Variants in RBM38 observed in about 807,000 individuals in gnomAD.
The protein encoded by RBM38 is RNA-binding protein 38.
A neutral mutation model predicts 23.5 loss-of-function variants in RBM38; 11 were observed. The observed-to-expected ratio is 0.47, with a 90% confidence interval of 0.29 to 0.77. RBM38 has a LOEUF of 0.77. Among genes scored for constraint, RBM38 ranks in the 30% least tolerant of loss-of-function variants. RBM38 has a pLI of 0.08. For missense variants in RBM38, 330 were observed against 351.9 expected (o/e 0.94, Z 0.50); for synonymous variants, 165 against 166.1 (o/e 0.99, Z 0.05).
At chr20:57,392,314 G>A in intron 1 of RBM38, 1 of 857,668 alleles carries the variant, frequency 1.2e-6, no homozygotes, top group Non-Finnish European at 1.7e-6. Flanking sequence ...CTTCTCAGAG[G>A]AAAGTCTCGG....
chr20:57,405,827 T>G (rs2067377772), intron 3 of RBM38, among the ~76,000 whole-genome samples: 1 of 151,694 alleles, frequency 6.6e-6, no homozygotes, highest in East Asian at 1.9e-4. Flanking sequence ...GCAGGGCTCC[T>G]CTCTGACACT....
Position 57,391,712 on chromosome 20 carries a change from A to G in RBM38, c.131A>G (p.His44Arg). ...ATCTTCGTGGGCGGCCTGCCGTACCACACTACCGACGCCTCGCTCAGGAAG... is the reference window on the plus strand; with the variant it reads ...ATCTTCGTGGGCGGCCTGCCGTACCGCACTACCGACGCCTCGCTCAGGAAG... ...TKIFVGGLPY[H>R]TTDASLRKYF... The change falls in exon 1 of 4, where the codon CAC becomes CGC. Residue 44 changes from histidine to arginine, a missense_variant. His to Arg is a conservative substitution (Grantham distance 29, BLOSUM62 0). Around this residue, in one of 3 missense-constraint regions of RBM38, gnomAD observed 95 missense variants for 111.9 expected, o/e 0.85. Coordinates refer to ENST00000356208, the MANE Select transcript of RBM38 (RefSeq NM_017495.6). 1.3e-6 allele frequency: 2 copies of G among 1,534,330 alleles called. No individual in the cohort carries two copies. Among genetic ancestry groups the G allele is most frequent in the Non-Finnish European group, 1.8e-6 (2 of 1,139,150 alleles).
At chr20:57,396,844 C>T (rs938970111) in intron 3 of RBM38, among the ~76,000 whole-genome samples, 19 of 152,198 alleles carry the variant, frequency 1.2e-4, no homozygotes, top group Non-Finnish European at 2.4e-4. Context: ...TCCAGACATC[C>T]CACCCACGTT....
chr20:57,405,503 G>A lies in RBM38; in HGVS notation c.417-2040G>A, dbSNP rs548295454. On this transcript the variant is annotated intron_variant, in intron 3 of 3. Coordinates refer to ENST00000356208, the MANE Select transcript of RBM38 (RefSeq NM_017495.6). ...GGACAGATGCTGTGGAGGGTTGGCC[G>A]TGTGGGCTGCAGGTGTGGCCACAGC... is the stretch of plus-strand genomic sequence containing the variant. Among the ~76,000 whole-genome samples the A allele has an allele frequency of 2.0e-5, 3 of 152,346 alleles. No individual in the cohort carries two copies. The South Asian group carries it at 6.2e-4, about 32-fold the overall frequency.
chr20:57,399,707 A>AC (rs2067308486), intron 3 of RBM38, among the ~76,000 whole-genome samples: 1 of 151,680 alleles, frequency 6.6e-6, no homozygotes, highest in Non-Finnish European at 1.5e-5. Flanking sequence ...ATGTCCCTAG[A>AC]CCTCCCGGCC....
intron 3 of RBM38, among the ~76,000 whole-genome samples, chr20:57,399,046 C>T (rs572636815): frequency 1.3e-5 from 2 of 152,290 alleles, no homozygotes; most frequent in African/African-American, 4.8e-5. Context: ...GGTCCCAGCT[C>T]CTAATCACAG....
At chr20:57,402,867 G>A (rs1369265993) in intron 3 of RBM38, among the ~76,000 whole-genome samples, 2 of 152,254 alleles carry the variant, frequency 1.3e-5, no homozygotes, top group African/African-American at 4.8e-5. Context: ...CTTTGTGGCC[G>A]CCCGGCGTGG....
intron 3 of RBM38, among the ~76,000 whole-genome samples, chr20:57,393,929 G>A (rs1422859430): frequency 6.6e-6 from 1 of 152,050 alleles, no homozygotes; most frequent in Non-Finnish European, 1.5e-5. Context: ...ATCCTAAAAC[G>A]CCTCCCACCT....
Position 57,407,419 on chromosome 20 carries a change from A to G in RBM38, c.417-124A>G, listed in dbSNP as rs1392609922. The G allele has an allele frequency of 8.8e-7, 1 of 1,142,664 alleles. No individual in the cohort carries two copies. Among genetic ancestry groups the G allele is most frequent in the African/African-American group, 1.6e-5 (1 of 64,360 alleles). 70.8% of individuals were successfully genotyped at this position (1,142,664 alleles called of 1,614,324 possible). A position where few individuals can be genotyped will look rare whatever the true frequency, so the allele number is the denominator to read the frequency against. ...CTGGCCAGGTGCTGTTTCTGTGCCC[A>G]TCTGACCGATGAGGAAAGTCGGGGC... On this transcript the variant is annotated intron_variant, in intron 3 of 3. Coordinates refer to ENST00000356208, the MANE Select transcript of RBM38 (RefSeq NM_017495.6). The surrounding 1 kb of genome is among the most constrained non-coding windows in gnomAD (Gnocchi z 4.0).
rs917081362 is a variant in RBM38, at chr20:57,407,194, T to C, written c.417-349T>C. ...CTGCTCTTGATCGCATGCTCCGCCGTCGTGGCTTCAAACTCTCAATCATTT... is the reference window on the plus strand; with the variant it reads ...CTGCTCTTGATCGCATGCTCCGCCGCCGTGGCTTCAAACTCTCAATCATTT... On this transcript the variant is annotated intron_variant, in intron 3 of 3. Coordinates refer to ENST00000356208, the MANE Select transcript of RBM38 (RefSeq NM_017495.6). The surrounding 1 kb of genome is among the most constrained non-coding windows in gnomAD (Gnocchi z 4.0). 6.6e-6 allele frequency among the ~76,000 whole-genome samples: 1 copy of C among 152,128 alleles called. No homozygotes were observed. Among genetic ancestry groups the C allele is most frequent in the Non-Finnish European group, 1.5e-5 (1 of 68,020 alleles).
chr20:57,392,717 G>A lies in RBM38; in HGVS notation c.301G>A (p.Gly101Ser). The part of the protein sequence containing the change: ...ACKDPNPIID[G>S]RKANVNLAYL... Reference sequence around the variant, plus strand: ...CAAAGACCCGAACCCCATCATCGACGGCCGCAAGGCCAACGTGAACCTGGC... The same window carrying A: ...CAAAGACCCGAACCCCATCATCGACAGCCGCAAGGCCAACGTGAACCTGGC... Residue 101 changes from glycine (G) to serine (S), a missense_variant, in exon 2 of 4, where the codon GGC (glycine) becomes AGC (serine). Coordinates refer to ENST00000356208, the MANE Select transcript of RBM38 (RefSeq NM_017495.6). 3 of 1,612,966 alleles carry A rather than the reference G, an allele frequency of 1.9e-6. No individual in the cohort carries two copies. The highest frequency in any genetic ancestry group is 2.5e-6 in the Non-Finnish European group (3 of 1,179,846).
At chr20:57,403,011 G>A (rs2067344660) in intron 3 of RBM38, among the ~76,000 whole-genome samples, 1 of 152,220 alleles carries the variant, frequency 6.6e-6, no homozygotes, top group African/African-American at 2.4e-5. Flanking sequence ...GTTCTTTGTT[G>A]TGGGGGCACC....
At chr20:57,402,778 C>T (rs2067342104) in intron 3 of RBM38, among the ~76,000 whole-genome samples, 1 of 152,266 alleles carries the variant, frequency 6.6e-6, no homozygotes, top group Admixed American at 6.5e-5. Context: ...TTTTCTTTCT[C>T]ACCTGACCAC....
At chr20:57,402,219 C>A (rs1323695923) in intron 3 of RBM38, among the ~76,000 whole-genome samples, 1 of 152,188 alleles carries the variant, frequency 6.6e-6, no homozygotes, top group African/African-American at 2.4e-5. Flanking sequence ...TGCTGGGATT[C>A]CAGGCGTGGG....
Position 57,407,910 on chromosome 20 carries a change from A to G in RBM38, c.*64A>G, listed in dbSNP as rs2067404807. ...TCACAGCAGACAGAGCTGCCAGGCC[A>G]TGATGGGCTGGCGACAGCCCGGCTG... On this transcript the variant is annotated 3_prime_UTR_variant, in exon 4 of 4. Transcript: ENST00000356208. The surrounding 1 kb of genome is among the most constrained non-coding windows in gnomAD (Gnocchi z 4.0). 2.0e-6 allele frequency: 3 copies of G among 1,492,778 alleles called. No homozygotes were observed. The East Asian group carries it at 7.4e-5, about 37-fold the overall frequency. The allele number at this position is 1,492,778 out of a possible 1,614,324, so 92.5% of individuals were successfully genotyped here.
At chr20:57,392,200 T>A in intron 1 of RBM38, 1 of 333,062 alleles carries the variant, frequency 3.0e-6, no homozygotes, top group Non-Finnish European at 5.9e-6. Flanking sequence ...GCCTCCCCCA[T>A]ATTTTTAACA....
At chr20:57,392,055 A>ACCTGACTGATTGTC (rs1297582504) in intron 1 of RBM38, among the ~76,000 whole-genome samples, 5 of 57,376 alleles carry the variant, frequency 8.7e-5, no homozygotes, top group Non-Finnish European at 1.9e-4. Context: ...CCCGGTTTAA[A>ACCTGACTGATTGTC]AGGAAGAGCC....
At chr20:57,404,326 A>G (rs1256254003) in intron 3 of RBM38, among the ~76,000 whole-genome samples, 1 of 152,240 alleles carries the variant, frequency 6.6e-6, no homozygotes, top group Admixed American at 6.5e-5. Context: ...TGCAGTCTGC[A>G]TGGGATCCAC....
Position 57,407,290 on chromosome 20 carries a change from G to T in RBM38, c.417-253G>T, listed in dbSNP as rs1244935560. Among the ~76,000 whole-genome samples the T allele has an allele frequency of 6.6e-6, 1 of 152,156 alleles. No individual in the cohort carries two copies. Among genetic ancestry groups the T allele is most frequent in the Admixed American group, 6.5e-5 (1 of 15,274 alleles). ...TGTGGGGTGTAGGGCTGGGATGCGG[G>T]GGTGCAGTCTGGGAAGGCCTTGCTG... On this transcript the variant is annotated intron_variant, in intron 3 of 3. Transcript: ENST00000356208. This position sits in a 1 kb window ranked among gnomAD's most constrained non-coding sequence, Gnocchi z 4.0.
Sources: gnomAD v4.1 joint callset for allele counts (sites outside exome capture counted in the v4.1 genomes callset) on GRCh38, gnomAD v4.1.1 for gene constraint, gnomAD v4.1.1 regional missense constraint, Gnocchi (gnomAD v3.1) non-coding constraint, MANE v1.5 for transcripts, NCBI Gene and HGNC (gene_info 2026-07-23, HGNC 2026-07-21) for gene names.